Variants in EYS observed in about 807,000 individuals in gnomAD.
The protein encoded by EYS is protein eyes shut homolog.
Under a neutral mutation model 282.1 loss-of-function variants are expected in EYS, and 250 were observed. The ratio of observed to expected loss-of-function variants is 0.89; its 90% CI spans 0.80 to 0.98. EYS has a LOEUF of 0.98. Ranked by LOEUF, EYS falls within the 50% of genes least tolerant of loss-of-function variation. EYS has a pLI of 0.00. For missense variants in EYS, 4,016 were observed against 3,709.0 expected (o/e 1.08, Z -2.15); for synonymous variants, 1,355 against 1,282.9 (o/e 1.06, Z -1.20).
chr6:64,294,573 T>G (rs1298017107), intron 30 of EYS, among the ~76,000 whole-genome samples: 1 of 152,204 alleles, frequency 6.6e-6, no homozygotes, highest in Non-Finnish European at 1.5e-5. Context: ...TGAGCCTTGC[T>G]GTAATAATCA....
At chr6:64,302,998 AAGGACCCTAC>A (rs1769288454) in intron 30 of EYS, among the ~76,000 whole-genome samples, 1 of 152,054 alleles carries the variant, frequency 6.6e-6, no homozygotes, top group Admixed American at 6.5e-5. Context: ...AAATGAAGAA[AAGGACCCTAC>A]AGGACCCGCA....
intron 26 of EYS, among the ~76,000 whole-genome samples, chr6:64,482,771 A>G (rs191005298): frequency 4.6e-5 from 7 of 151,852 alleles, no homozygotes; most frequent in Admixed American, 4.6e-4. Flanking sequence ...GTGGGAACTA[A>G]CATCTTACAA....
intron 26 of EYS, among the ~76,000 whole-genome samples, chr6:64,578,656 T>G (rs900886335): frequency 2.6e-5 from 4 of 151,868 alleles, no homozygotes; most frequent in Non-Finnish European, 5.9e-5. Flanking sequence ...GTGTTTATTA[T>G]CTGTCTCTCT....
chr6:63,986,716 G>C (rs937136747), intron 34 of EYS, among the ~76,000 whole-genome samples: 1 of 151,736 alleles, frequency 6.6e-6, no homozygotes, highest in Non-Finnish European at 1.5e-5. Flanking sequence ...TTATCAGTGG[G>C]AGCTAAATGA....
At chr6:64,931,874 C>G (rs1167459797) in intron 15 of EYS, among the ~76,000 whole-genome samples, 1 of 152,056 alleles carries the variant, frequency 6.6e-6, no homozygotes. Context: ...ACACTGCAGA[C>G]ACTGTGATTG....
At chr6:64,235,352 T>A (rs1464081986) in intron 30 of EYS, among the ~76,000 whole-genome samples, 1 of 151,784 alleles carries the variant, frequency 6.6e-6, no homozygotes, top group Non-Finnish European at 1.5e-5. Context: ...TGGTTTTTTG[T>A]TCTTGTGATA....
At chr6:64,369,661 A>G (rs1772289332) in intron 29 of EYS, among the ~76,000 whole-genome samples, 1 of 152,010 alleles carries the variant, frequency 6.6e-6, no homozygotes. Flanking sequence ...ATCAAAACAG[A>G]CACCAATAAA....
Position 65,368,524 on chromosome 6 carries a change from C to T in EYS, c.1300-14907G>A, listed in dbSNP as rs190478443. The stretch of plus-strand genomic sequence containing the variant: ...AGTTTCTACCACTTTGAATGACTAA[C>T]AATTTTATGGCAATAAAACCACATG... On this transcript the variant is annotated intron_variant, in intron 8 of 42. Coordinates refer to ENST00000503581, the MANE Select transcript of EYS (RefSeq NM_001142800.2). 3.9e-4 allele frequency among the ~76,000 whole-genome samples: 59 copies of T among 151,684 alleles called. 1 individual carries two copies. The highest frequency in any genetic ancestry group is 3.4e-3 in the Middle Eastern group (1 of 294).
intron 26 of EYS, among the ~76,000 whole-genome samples, chr6:64,565,094 T>G (rs796441398): frequency 6.6e-5 from 10 of 152,314 alleles, no homozygotes; most frequent in African/African-American, 2.4e-4. Flanking sequence ...AGTTATTTTC[T>G]CCCATTCCCT....
At chr6:65,510,099 C>A (rs912222451) in intron 2 of EYS, among the ~76,000 whole-genome samples, 2 of 150,814 alleles carry the variant, frequency 1.3e-5, no homozygotes, top group African/African-American at 2.4e-5. Flanking sequence ...TATACATGTG[C>A]CATGCTGGTG....
intron 35 of EYS, among the ~76,000 whole-genome samples, chr6:63,960,758 A>T (rs1324123971): frequency 1.3e-5 from 2 of 152,242 alleles, no homozygotes; most frequent in Non-Finnish European, 2.9e-5. Context: ...TTAGTAATAA[A>T]GTATTTTTAA....
In EYS at chr6:63,833,458, A is replaced by C. The variant is rs149331099; in HGVS notation, c.7229-27086T>G. Among the ~76,000 whole-genome samples the C allele has an allele frequency of 4.4e-3, 675 of 152,310 alleles. 6 individuals are homozygous for C. Among genetic ancestry groups the C allele is most frequent in the African/African-American group, 0.016 (647 of 41,560 alleles). The stretch of plus-strand genomic sequence containing the variant: ...AAATCATGAGTGAACTCCCATTCAC[A>C]ATTGCTTCAAAGAAAATAAAATACC... On this transcript the variant is annotated intron_variant, in intron 36 of 42. Coordinates refer to ENST00000503581, the MANE Select transcript of EYS (RefSeq NM_001142800.2).
chr6:64,161,156 C>T lies in EYS; in HGVS notation c.6424+69436G>A, dbSNP rs767919737. 9.2e-5 allele frequency among the ~76,000 whole-genome samples: 14 copies of T among 152,084 alleles called. No individual in the cohort carries two copies. The South Asian group carries it at 1.0e-3, about 11-fold the overall frequency. Reference sequence around the variant, plus strand: ...CCTTATAGAAAAACTGCTGAAAATACGGAACAAGCATTTAAAAAAGTTCTT... The same window carrying T: ...CCTTATAGAAAAACTGCTGAAAATATGGAACAAGCATTTAAAAAAGTTCTT... On this transcript the variant is annotated intron_variant, in intron 31 of 42. Coordinates refer to ENST00000503581, the MANE Select transcript of EYS (RefSeq NM_001142800.2).
intron 36 of EYS, among the ~76,000 whole-genome samples, chr6:63,810,811 T>C (rs1771028347): frequency 6.6e-6 from 1 of 152,140 alleles, no homozygotes; most frequent in Admixed American, 6.5e-5. Flanking sequence ...ATTTAATGCT[T>C]CCTCTCTCCT....
intron 36 of EYS, among the ~76,000 whole-genome samples, chr6:63,808,835 G>T (rs1342923538): frequency 2.6e-5 from 4 of 152,040 alleles, no homozygotes; most frequent in African/African-American, 9.7e-5. Flanking sequence ...ATGAAACAAA[G>T]AATGTAAAAT....
At chr6:64,059,168 G>C (rs1287959189) in intron 33 of EYS, among the ~76,000 whole-genome samples, 1 of 151,916 alleles carries the variant, frequency 6.6e-6, no homozygotes, top group East Asian at 1.9e-4. Flanking sequence ...CTTCAAAATG[G>C]AGTTCATTTT....
At chr6:65,187,391 T>G (rs2150237347) in intron 12 of EYS, among the ~76,000 whole-genome samples, 1 of 151,800 alleles carries the variant, frequency 6.6e-6, no homozygotes, top group African/African-American at 2.4e-5. Context: ...GCACGCATTT[T>G]TTCAACATAT....
intron 35 of EYS, among the ~76,000 whole-genome samples, chr6:63,953,191 C>T (rs957336582): frequency 6.6e-6 from 1 of 152,190 alleles, no homozygotes; most frequent in Non-Finnish European, 1.5e-5. Context: ...TTTACCTGGA[C>T]TGACCCTGAC....
intron 28 of EYS, among the ~76,000 whole-genome samples, chr6:64,423,883 G>A (rs182674151): frequency 2.6e-5 from 4 of 152,234 alleles, no homozygotes; most frequent in Non-Finnish European, 4.4e-5. Flanking sequence ...AATGGGTCAC[G>A]TTACTTAAGT....
Sources: allele counts gnomAD v4.1 joint callset (sites outside exome capture counted in the v4.1 genomes callset), GRCh38; gene constraint gnomAD v4.1.1; transcripts MANE v1.5; gene names NCBI Gene and HGNC (gene_info 2026-07-23, HGNC 2026-07-21).